The following CREB5 variants were observed in gnomAD, a reference collection of about 807,000 sequenced individuals.
The protein encoded by CREB5 is cyclic AMP-responsive element-binding protein 5.
A neutral mutation model predicts 57.1 loss-of-function variants in CREB5; 19 were observed. That is an observed-to-expected ratio of 0.33 (90% CI 0.23 to 0.49). CREB5 has a LOEUF of 0.49. Ranked by LOEUF, CREB5 falls within the 20% of genes least tolerant of loss-of-function variation. The pLI is 0.99. For missense variants in CREB5, 579 were observed against 671.6 expected (o/e 0.86, Z 1.52); for synonymous variants, 238 against 238.3 (o/e 1.00, Z 0.01).
chr7:28,502,657 C>T (rs1281228031), intron 3 of CREB5, among the ~76,000 whole-genome samples: 4 of 152,160 alleles, frequency 2.6e-5, no homozygotes, highest in Non-Finnish European at 5.9e-5. Context: ...TATTTCTAGC[C>T]ACTATCAGTT....
intron 4 of CREB5, among the ~76,000 whole-genome samples, chr7:28,565,582 G>T (rs1035495397): frequency 1.3e-5 from 2 of 152,164 alleles, no homozygotes; most frequent in African/African-American, 2.4e-5. Context: ...TTCAACGTAG[G>T]TATTCAAATT....
At chr7:28,660,753 C>T (rs574638730) in intron 5 of CREB5, among the ~76,000 whole-genome samples, 85 of 152,162 alleles carry the variant, frequency 5.6e-4, no homozygotes, top group African/African-American at 2.0e-3. Context: ...CTTATTCTTA[C>T]ATTAATATTC....
intron 5 of CREB5, among the ~76,000 whole-genome samples, chr7:28,586,509 C>T (rs1367517199): frequency 1.3e-5 from 2 of 152,194 alleles, no homozygotes; most frequent in East Asian, 3.8e-4. Flanking sequence ...AGTCTGACCT[C>T]GGGCTCTTTG....
At chr7:28,435,892 G>A (rs917669014) in intron 1 of CREB5, among the ~76,000 whole-genome samples, 1 of 152,098 alleles carries the variant, frequency 6.6e-6, no homozygotes, top group Non-Finnish European at 1.5e-5. Flanking sequence ...AAACCAGAAA[G>A]GGGTGAGTAA....
chr7:28,687,591 C>T (rs1801010693), intron 5 of CREB5, among the ~76,000 whole-genome samples: 1 of 150,612 alleles, frequency 6.6e-6, no homozygotes, highest in Non-Finnish European at 1.5e-5. Flanking sequence ...AGGGCAAACA[C>T]TTTCTCATTC....
chr7:28,795,562 T>C (rs185219747), intron 7 of CREB5, among the ~76,000 whole-genome samples: 37 of 152,308 alleles, frequency 2.4e-4, no homozygotes, highest in Non-Finnish European at 4.1e-4. Context: ...ATCTTTTTGG[T>C]CTTCGTTGTT....
chr7:28,499,889 G>T (rs1261917560), intron 3 of CREB5, among the ~76,000 whole-genome samples: 1 of 152,216 alleles, frequency 6.6e-6, no homozygotes, highest in African/African-American at 2.4e-5. Context: ...GGCCAACTGT[G>T]TGTCTTTCAA....
intron 1 of CREB5, among the ~76,000 whole-genome samples, chr7:28,482,567 C>T (rs900893006): frequency 2.6e-5 from 4 of 152,172 alleles, no homozygotes; most frequent in African/African-American, 9.7e-5. Context: ...CCAGTTTCCT[C>T]CTCTAGAAAC....
chr7:28,530,274 G>C (rs960829860), intron 4 of CREB5, among the ~76,000 whole-genome samples: 1 of 152,204 alleles, frequency 6.6e-6, no homozygotes, highest in African/African-American at 2.4e-5. Flanking sequence ...GAGGAGCCAT[G>C]CTTGACCTGG....
intron 1 of CREB5, among the ~76,000 whole-genome samples, chr7:28,330,458 C>T (rs1448357690): frequency 4.9e-5 from 6 of 121,234 alleles, no homozygotes; most frequent in Admixed American, 2.0e-4. Flanking sequence ...AACCTTTTCT[C>T]CCTAATGATA....
At position 28,402,172 on chromosome 7, in the gene CREB5, G is replaced by A. The variant is rs530031029; in HGVS notation, c.-24-92734G>A. ...TTTCTCTGATGGCCAGTGATGATGA[G>A]CATTTTTTAATGTGTCTGTTGGCTG... On this transcript the variant is annotated intron_variant, in intron 1 of 9. Coordinates refer to the CREB5 transcript ENST00000396299. Among the ~76,000 whole-genome samples the A allele has an allele frequency of 7.9e-5, 12 of 152,296 alleles. 1 individual carries two copies. Among genetic ancestry groups the A allele is most frequent in the African/African-American group, 2.4e-4 (10 of 41,546 alleles).
At chr7:28,492,637 C>T (rs1211221877) in intron 2 of CREB5, among the ~76,000 whole-genome samples, 3 of 151,368 alleles carry the variant, frequency 2.0e-5, no homozygotes, top group Non-Finnish European at 4.4e-5. Flanking sequence ...CTACTTTAGG[C>T]TATTATTTTA....
chr7:28,722,813 G>A (rs1276822213), intron 6 of CREB5, among the ~76,000 whole-genome samples: 3 of 152,160 alleles, frequency 2.0e-5, no homozygotes, highest in Non-Finnish European at 4.4e-5. Flanking sequence ...AAGACTGATG[G>A]CTCTTAACTG....
intron 2 of CREB5, among the ~76,000 whole-genome samples, chr7:28,493,729 G>A (rs555293867): frequency 3.3e-5 from 5 of 152,284 alleles, no homozygotes; most frequent in African/African-American, 1.2e-4. Context: ...GTCCCACCAT[G>A]TGACCAGAAG....
At chr7:28,789,090 C>T (rs1303143369) in intron 7 of CREB5, among the ~76,000 whole-genome samples, 2 of 152,136 alleles carry the variant, frequency 1.3e-5, no homozygotes, top group Admixed American at 1.3e-4. Context: ...CTTTAAGTTG[C>T]ATTTGAAATG....
chr7:28,472,097 C>T (rs995094591), intron 1 of CREB5, among the ~76,000 whole-genome samples: 1 of 148,984 alleles, frequency 6.7e-6, no homozygotes, highest in Non-Finnish European at 1.5e-5. Flanking sequence ...CTTTCCATCC[C>T]AACAAAAACA....
intron 7 of CREB5, among the ~76,000 whole-genome samples, chr7:28,751,971 G>T (rs912514997): frequency 6.6e-6 from 1 of 152,116 alleles, no homozygotes; most frequent in African/African-American, 2.4e-5. Flanking sequence ...TTGTGTTTGG[G>T]TGATGTTTTC....
At chr7:28,384,866 A>G (rs1174443498) in intron 1 of CREB5, among the ~76,000 whole-genome samples, 1 of 152,108 alleles carries the variant, frequency 6.6e-6, no homozygotes, top group Non-Finnish European at 1.5e-5. Flanking sequence ...TAAATTGGTA[A>G]ATGTTTCCTT....
intron 7 of CREB5, among the ~76,000 whole-genome samples, chr7:28,743,035 C>T (rs887027495): frequency 1.2e-4 from 18 of 152,274 alleles, no homozygotes; most frequent in African/African-American, 3.6e-4. Flanking sequence ...CTGCCGGCGT[C>T]GGCCTTCCAA....
Sources: gnomAD v4.1 joint callset for allele counts (sites outside exome capture counted in the v4.1 genomes callset) on GRCh38, gnomAD v4.1.1 for gene constraint, MANE v1.5 for transcripts, NCBI Gene and HGNC (gene_info 2026-07-23, HGNC 2026-07-21) for gene names.